Variants in EXD3 observed in about 807,000 individuals in gnomAD.
The protein encoded by EXD3 is exonuclease mut-7 homolog.
Under a neutral mutation model 98.0 loss-of-function variants are expected in EXD3, and 92 were observed. That is an observed-to-expected ratio of 0.94 (90% CI 0.79 to 1.12). The LOEUF (loss-of-function observed/expected upper bound fraction) is 1.12. EXD3 is among the 50% of genes most tolerant of loss of function. The pLI, the probability that EXD3 is intolerant of heterozygous loss-of-function variation, is 0.00. For missense variants in EXD3, 1,222 were observed against 1,191.6 expected (o/e 1.03, Z -0.38); for synonymous variants, 569 against 526.0 (o/e 1.08, Z -1.12).
At chr9:137,390,848 G>A (rs975916817) in intron 2 of EXD3, among the ~76,000 whole-genome samples, 1 of 150,464 alleles carries the variant, frequency 6.6e-6, no homozygotes, top group Non-Finnish European at 1.5e-5. Flanking sequence ...GCCGAGGAGA[G>A]AAAGGCCCGG....
intron 12 of EXD3, 107 bp from the exon 13 acceptor site, chr9:137,351,635 G>T: frequency 9.7e-7 from 1 of 1,034,514 alleles, no homozygotes; most frequent in Non-Finnish European, 1.4e-6. Context: ...TCGGGGAGAC[G>T]CCCCTGCACC....
chr9:137,369,814 C>T lies in EXD3; in HGVS notation c.463-1825G>A, dbSNP rs547345829. On this transcript the variant is annotated intron_variant, in intron 5 of 21. Coordinates refer to ENST00000340951, the MANE Select transcript of EXD3 (RefSeq NM_017820.5). The stretch of plus-strand genomic sequence containing the variant: ...ACCCCGTCAGAGGCAGTTCAAAGTG[C>T]CCAGCTCAGCCCTTCTCTTCACCAC... Among the ~76,000 whole-genome samples the T allele has an allele frequency of 3.3e-3, 501 of 152,328 alleles. 5 individuals carry two copies. The highest frequency in any genetic ancestry group is 0.011 in the African/African-American group (462 of 41,572).
chr9:137,353,617 G>A (rs1252322384), intron 10 of EXD3: 27 of 985,874 alleles, frequency 2.7e-5, no homozygotes, highest in Non-Finnish European at 3.0e-5. Flanking sequence ...CCGTGGCAGC[G>A]CCCAGCCCAG....
chr9:137,312,209 G>C (rs1039419373), intron 19 of EXD3, among the ~76,000 whole-genome samples: 2 of 152,168 alleles, frequency 1.3e-5, no homozygotes, highest in Non-Finnish European at 2.9e-5. Flanking sequence ...GCACAGCGGG[G>C]TGCCTGGGCA....
intron 3 of EXD3, among the ~76,000 whole-genome samples, chr9:137,378,955 G>A (rs530044978): frequency 1.8e-4 from 25 of 141,486 alleles, no homozygotes; most frequent in Non-Finnish European, 2.9e-4. Context: ...TGTGGGTGAC[G>A]GTGACCATTG....
chr9:137,351,085 C>T lies in EXD3; in HGVS notation c.1447G>A (p.Glu483Lys). 1 of 1,581,604 alleles carries T rather than the reference C, an allele frequency of 6.3e-7. No individual in the cohort carries two copies. The highest frequency in any genetic ancestry group is 8.6e-7 in the Non-Finnish European group (1 of 1,164,856). ...GTSCPALAHV[E>K]KQILGGMDLL... ...TCCATGCCGCCCAGAATCTGCTTCT[C>T]CACATGGGCCAGGGCGGGGCAGGAC... The change falls in exon 14 of 22, where the codon GAG becomes AAG. Residue 483 changes from glutamate (E) to lysine (K), a missense_variant. By Grantham distance (56) the Glu-to-Lys change is moderately conservative. Transcript: ENST00000340951.
intron 20 of EXD3, 30 bp downstream of exon 20, chr9:137,309,574 CCCA>C: frequency 6.5e-7 from 1 of 1,529,526 alleles, no homozygotes; most frequent in East Asian, 2.4e-5. Flanking sequence ...TCCCAGGCCC[CCCA>C]GACCCAGTGC....
intron 3 of EXD3, chr9:137,374,912 C>A: frequency 1.1e-6 from 1 of 942,728 alleles, no homozygotes; most frequent in Non-Finnish European, 1.3e-6. Context: ...AGATCTAGCT[C>A]TAGTGAGTTC....
At chr9:137,325,819 G>A (rs1442083223) in intron 17 of EXD3, among the ~76,000 whole-genome samples, 1 of 152,160 alleles carries the variant, frequency 6.6e-6, no homozygotes, top group Non-Finnish European at 1.5e-5. Flanking sequence ...GCTGGGCAAG[G>A]CGGCTCGTGC....
chr9:137,319,918 C>A (rs529547932), intron 19 of EXD3, among the ~76,000 whole-genome samples: 1 of 152,216 alleles, frequency 6.6e-6, no homozygotes, highest in East Asian at 1.9e-4. Flanking sequence ...CCAGCAGGGT[C>A]CCCAGCCCCA....
At chr9:137,420,742 C>A (rs115632129) in intron 1 of EXD3, among the ~76,000 whole-genome samples, 2 of 147,202 alleles carry the variant, frequency 1.4e-5, no homozygotes, top group Non-Finnish European at 3.0e-5. Context: ...CATTCACCCC[C>A]CCCCCCAAAT....
chr9:137,326,078 CAAAAAA>C, intron 17 of EXD3, among the ~76,000 whole-genome samples: 1 of 95,532 alleles, frequency 1.0e-5, no homozygotes, highest in African/African-American at 3.9e-5. Flanking sequence ...GAACCTGTCT[CAAAAAA>C]AAAAAAAAAA....
chr9:137,390,620 A>T (rs952093247), intron 2 of EXD3, among the ~76,000 whole-genome samples: 51 of 152,190 alleles, frequency 3.4e-4, no homozygotes, highest in Admixed American at 6.5e-4. Flanking sequence ...CCGGTCACAC[A>T]GTGAGGAAGA....
chr9:137,391,628 G>A (rs543058362), intron 2 of EXD3, among the ~76,000 whole-genome samples: 13 of 132,290 alleles, frequency 9.8e-5, no homozygotes, highest in East Asian at 5.1e-4. Flanking sequence ...CCAGAGGGCC[G>A]GCCTCCCTGC....
intron 5 of EXD3, among the ~76,000 whole-genome samples, chr9:137,370,459 C>T (rs1347511536): frequency 6.6e-6 from 1 of 152,058 alleles, no homozygotes; most frequent in African/African-American, 2.4e-5. Context: ...AACTGGGCCC[C>T]TCTGCACCAG....
At chr9:137,402,186 T>C (rs1483350148) in intron 1 of EXD3, among the ~76,000 whole-genome samples, 1 of 152,110 alleles carries the variant, frequency 6.6e-6, no homozygotes, top group East Asian at 1.9e-4. Flanking sequence ...CGGCTAATTT[T>C]TGTATTTTTA....
intron 1 of EXD3, among the ~76,000 whole-genome samples, chr9:137,411,455 G>A (rs1054885710): frequency 3.3e-5 from 5 of 151,892 alleles, no homozygotes; most frequent in African/African-American, 7.3e-5. Context: ...AGGCGGGACC[G>A]GCGGGACCAA....
chr9:137,409,098 C>CG (rs1382027532), intron 1 of EXD3, among the ~76,000 whole-genome samples: 2 of 152,198 alleles, frequency 1.3e-5, no homozygotes, highest in Non-Finnish European at 2.9e-5. Context: ...GGGACGTGCC[C>CG]GGGGGGTGAG....
intron 5 of EXD3, 50 bp downstream of exon 5, chr9:137,372,855 A>T (rs1162193729): frequency 6.3e-7 from 1 of 1,580,462 alleles, no homozygotes; most frequent in Non-Finnish European, 8.5e-7. Flanking sequence ...TCCTTGCCCC[A>T]CCGCCCGAGA....
Sources: gnomAD v4.1 joint callset for allele counts (sites outside exome capture counted in the v4.1 genomes callset) on GRCh38, gnomAD v4.1.1 for gene constraint, MANE v1.5 for transcripts, NCBI Gene and HGNC (gene_info 2026-07-23, HGNC 2026-07-21) for gene names.